LSAMP: variants seen among roughly 807,000 people sequenced by gnomAD.
LSAMP encodes the protein limbic system associated membrane protein.
A neutral mutation model predicts 38.6 loss-of-function variants in LSAMP; 7 were observed. The observed-to-expected ratio is 0.18, with a 90% CI of 0.10 to 0.34. The LOEUF (loss-of-function observed/expected upper bound fraction) is 0.34, where lower values mean the gene tolerates loss of function less well. LSAMP is among the 10% of genes least tolerant of loss of function. LSAMP has a pLI of 1.00. For missense variants in LSAMP, 313 were observed against 420.0 expected (o/e 0.75, Z 2.23); for synonymous variants, 154 against 166.8 (o/e 0.92, Z 0.59).
intron 1 of LSAMP, among the ~76,000 whole-genome samples, chr3:116,171,249 T>C (rs1363289435): frequency 6.6e-6 from 1 of 152,150 alleles, no homozygotes; most frequent in South Asian, 2.1e-4. Context: ...GCATTTGATT[T>C]TTACATTCTA....
chr3:115,922,145 AT>A (rs1400399935), intron 3 of LSAMP, among the ~76,000 whole-genome samples: 2 of 151,868 alleles, frequency 1.3e-5, no homozygotes, highest in Non-Finnish European at 2.9e-5. Context: ...GGGAGTTTTC[AT>A]TCATTATTTC....
chr3:115,984,112 T>C (rs113917341), intron 3 of LSAMP, among the ~76,000 whole-genome samples: 87 of 152,122 alleles, frequency 5.7e-4, no homozygotes, highest in African/African-American at 2.0e-3. Context: ...GTTCAAGAGA[T>C]ATTTAAGTCA....
intron 3 of LSAMP, among the ~76,000 whole-genome samples, chr3:115,964,620 T>G (rs1456767025): frequency 6.6e-6 from 1 of 152,104 alleles, no homozygotes; most frequent in Non-Finnish European, 1.5e-5. Flanking sequence ...TATGCGCAGA[T>G]GATAAAATTG....
intron 1 of LSAMP, among the ~76,000 whole-genome samples, chr3:116,125,937 T>A (rs1468029314): frequency 1.3e-5 from 2 of 152,236 alleles, no homozygotes; most frequent in East Asian, 3.8e-4. Flanking sequence ...CGTTAAGAGA[T>A]ATATCACTGT....
intron 1 of LSAMP, among the ~76,000 whole-genome samples, chr3:116,323,417 A>T (rs1489710666): frequency 6.6e-6 from 1 of 152,066 alleles, no homozygotes; most frequent in East Asian, 1.9e-4. Context: ...TTCTTTTCTA[A>T]CTAAACCATT....
intron 3 of LSAMP, among the ~76,000 whole-genome samples, chr3:115,951,103 T>A (rs1938274531): frequency 6.6e-6 from 1 of 152,168 alleles, no homozygotes; most frequent in South Asian, 2.1e-4. Context: ...ACTAATTTCT[T>A]ACCTTATACA....
Position 115,808,850 on chromosome 3 carries a change from T to C in LSAMP, c.*1467A>G, listed in dbSNP as rs1933714280. ...TAGAGCTCTGACAGTATCTCCAGAATACAGTAGGAGCCTGGGCATCTGTTG... is the reference window on the plus strand; with the variant it reads ...TAGAGCTCTGACAGTATCTCCAGAACACAGTAGGAGCCTGGGCATCTGTTG... On this transcript the variant is annotated 3_prime_UTR_variant, in exon 7 of 7. Coordinates refer to ENST00000490035, the MANE Select transcript of LSAMP (RefSeq NM_002338.5). 1 of 152,250 alleles carries C rather than the reference T, an allele frequency of 6.6e-6. No individual in the cohort carries two copies. The highest frequency in any genetic ancestry group is 2.4e-5 in the African/African-American group (1 of 41,472). 9.4% of individuals were successfully genotyped at this position (152,250 alleles called of 1,614,324 possible).
intron 2 of LSAMP, among the ~76,000 whole-genome samples, chr3:116,068,157 G>A (rs1431958102): frequency 2.0e-5 from 3 of 152,128 alleles, no homozygotes; most frequent in African/African-American, 4.8e-5. Context: ...ATATGTCATC[G>A]ATTTTAAATA....
At chr3:116,127,839 G>A (rs1455774976) in intron 1 of LSAMP, among the ~76,000 whole-genome samples, 1 of 151,270 alleles carries the variant, frequency 6.6e-6, no homozygotes, top group Non-Finnish European at 1.5e-5. Flanking sequence ...ATTCATTAGG[G>A]GAGTTAATTT....
chr3:116,107,269 C>A (rs537990051), intron 1 of LSAMP, among the ~76,000 whole-genome samples: 7 of 151,966 alleles, frequency 4.6e-5, no homozygotes, highest in Non-Finnish European at 8.8e-5. Flanking sequence ...CTGAAGGAGC[C>A]GGGGAGCAGA....
chr3:116,167,813 C>G (rs796087355), intron 1 of LSAMP, among the ~76,000 whole-genome samples: 32 of 152,250 alleles, frequency 2.1e-4, no homozygotes, highest in African/African-American at 7.5e-4. Flanking sequence ...ACTGCCAATT[C>G]AAAAACAGGG....
At chr3:116,374,076 T>C (rs780516544) in intron 1 of LSAMP, among the ~76,000 whole-genome samples, 4 of 151,940 alleles carry the variant, frequency 2.6e-5, no homozygotes, top group Non-Finnish European at 4.4e-5. Flanking sequence ...TAATATCTTA[T>C]ATAAAAGAAA....
At chr3:116,090,340 C>A (rs1390249366) in intron 1 of LSAMP, among the ~76,000 whole-genome samples, 3 of 152,148 alleles carry the variant, frequency 2.0e-5, no homozygotes, top group Admixed American at 6.5e-5. Flanking sequence ...GACCACCTGG[C>A]TATCTGGAAA....
chr3:115,829,242 A>G (rs1934529465), intron 6 of LSAMP, among the ~76,000 whole-genome samples: 1 of 152,174 alleles, frequency 6.6e-6, no homozygotes, highest in Non-Finnish European at 1.5e-5. Flanking sequence ...AAACCTCCCT[A>G]TTACACTGTG....
At chr3:115,859,716 A>G (rs1192021804) in intron 3 of LSAMP, among the ~76,000 whole-genome samples, 2 of 152,208 alleles carry the variant, frequency 1.3e-5, no homozygotes, top group Admixed American at 1.3e-4. Context: ...TCCTGGGATT[A>G]TTCTTCCTGG....
intron 1 of LSAMP, among the ~76,000 whole-genome samples, chr3:116,336,195 G>T (rs987698028): frequency 6.6e-6 from 1 of 151,908 alleles, no homozygotes; most frequent in South Asian, 2.1e-4. Flanking sequence ...CACAACATTG[G>T]ATTTGGCAAT....
At chr3:116,312,913 C>T (rs934458600) in intron 1 of LSAMP, among the ~76,000 whole-genome samples, 1 of 151,972 alleles carries the variant, frequency 6.6e-6, no homozygotes, top group Non-Finnish European at 1.5e-5. Context: ...TGCATGCATT[C>T]CACTCATGAC....
At chr3:116,417,071 G>A (rs2049060742) in intron 1 of LSAMP, among the ~76,000 whole-genome samples, 1 of 152,072 alleles carries the variant, frequency 6.6e-6, no homozygotes, top group Admixed American at 6.6e-5. Context: ...TTTTAAGATT[G>A]TATTTGTTCA....
intron 1 of LSAMP, among the ~76,000 whole-genome samples, chr3:116,346,901 C>T (rs1303294121): frequency 6.6e-6 from 1 of 152,048 alleles, no homozygotes; most frequent in East Asian, 1.9e-4. Flanking sequence ...TATTTATCCG[C>T]CAGAGTAAGA....
Sources: allele counts gnomAD v4.1 joint callset (sites outside exome capture counted in the v4.1 genomes callset), GRCh38; gene constraint gnomAD v4.1.1; transcripts MANE v1.5; gene names NCBI Gene and HGNC (gene_info 2026-07-23, HGNC 2026-07-21).